The following TMEM232 variants were observed in gnomAD, a reference collection of about 807,000 sequenced individuals.
TMEM232 encodes transmembrane protein 232.
In TMEM232, 80 loss-of-function variants were observed where a neutral mutation model predicts 78.8. The observed-to-expected ratio is 1.01, with a 90% CI of 0.85 to 1.22. The LOEUF is 1.22. Ranked by LOEUF, TMEM232 falls within the 50% of genes most tolerant of loss-of-function variation. The probability of loss-of-function intolerance (pLI) is 0.00; values close to 1 mark genes in which losing one functional copy is unlikely to be tolerated. For synonymous variants in TMEM232, 297 were observed against 254.3 expected, an observed-to-expected ratio of 1.17 and a Z score of -1.60; for missense variants, 881 against 742.2, an observed-to-expected ratio of 1.19 and a Z score of -2.17.
At chr5:110,404,873 G>A (rs963412321) in intron 2 of TMEM232, among the ~76,000 whole-genome samples, 3 of 151,836 alleles carry the variant, frequency 2.0e-5, no homozygotes, top group Non-Finnish European at 4.4e-5. Flanking sequence ...GAAGAGACTC[G>A]GCAGGGTTAA....
chr5:110,435,155 T>C (rs1046828043), intron 12 of TMEM232, among the ~76,000 whole-genome samples: 2 of 151,882 alleles, frequency 1.3e-5, no homozygotes, highest in African/African-American at 4.8e-5. Context: ...CTTATTGATA[T>C]GACTCTTCAT....
At chr5:110,437,332 G>GA (rs1267049668) in intron 12 of TMEM232, among the ~76,000 whole-genome samples, 4 of 150,768 alleles carry the variant, frequency 2.7e-5, no homozygotes, top group Admixed American at 6.6e-5. Context: ...CAAAATTATA[G>GA]AAAAAAACAT....
intron 11 of TMEM232, among the ~76,000 whole-genome samples, chr5:110,531,007 T>C (rs945557951): frequency 2.0e-5 from 3 of 152,084 alleles, no homozygotes; most frequent in African/African-American, 7.2e-5. Context: ...AGATGGCCGG[T>C]TCCAGCCTTA....
chr5:110,573,302 C>T (rs1255162559), intron 10 of TMEM232, among the ~76,000 whole-genome samples: 1 of 151,968 alleles, frequency 6.6e-6, no homozygotes, highest in Non-Finnish European at 1.5e-5. Flanking sequence ...ATAAGTATAG[C>T]CTTTGCAATT....
chr5:110,515,047 C>G (rs564142190), intron 12 of TMEM232, among the ~76,000 whole-genome samples: 10 of 152,142 alleles, frequency 6.6e-5, no homozygotes, highest in Admixed American at 4.6e-4. Flanking sequence ...ACAGTGAACA[C>G]AAGAGTCAGA....
intron 12 of TMEM232, among the ~76,000 whole-genome samples, chr5:110,482,612 T>G (rs1401782813): frequency 6.7e-6 from 1 of 150,056 alleles, no homozygotes; most frequent in Non-Finnish European, 1.5e-5. Context: ...TATATATTAT[T>G]TTTAATTAAT....
At chr5:110,694,899 A>T (rs1794586477) in intron 1 of TMEM232, among the ~76,000 whole-genome samples, 1 of 152,220 alleles carries the variant, frequency 6.6e-6, no homozygotes, top group African/African-American at 2.4e-5. Context: ...TCAAAGAGAC[A>T]GAAAGTTCAC....
chr5:110,655,366 A>C (rs879714784), intron 2 of TMEM232, among the ~76,000 whole-genome samples: 17 of 149,996 alleles, frequency 1.1e-4, no homozygotes, highest in Non-Finnish European at 2.4e-4. Context: ...ATACCATCTC[A>C]CACCAGTTAG....
chr5:110,641,808 G>C (rs1483944303), intron 3 of TMEM232, among the ~76,000 whole-genome samples: 1 of 152,076 alleles, frequency 6.6e-6, no homozygotes, highest in Admixed American at 6.6e-5. Flanking sequence ...GTTCTGTTTT[G>C]ATATCTATTT....
At chr5:110,606,841 G>C (rs573414772) in intron 8 of TMEM232, among the ~76,000 whole-genome samples, 1 of 151,830 alleles carries the variant, frequency 6.6e-6, no homozygotes, top group East Asian at 1.9e-4. Flanking sequence ...AATCATACAA[G>C]AATTTGTTAG....
intron 11 of TMEM232, among the ~76,000 whole-genome samples, chr5:110,535,309 C>T (rs185397880): frequency 7.6e-4 from 116 of 152,218 alleles, no homozygotes; most frequent in Admixed American, 1.6e-3. Context: ...CGAAAGCTCC[C>T]CTACTGAGCA....
At position 110,420,433 on chromosome 5, in the gene TMEM232, T is replaced by G; in HGVS notation, c.*147A>C. Reference sequence around the variant, plus strand: ...AGAAATAACTATTAAACAAACAGCTTGTATCAGGAAAACAAATTCTTTCTA... The same window carrying G: ...AGAAATAACTATTAAACAAACAGCTGGTATCAGGAAAACAAATTCTTTCTA... On this transcript the variant is annotated 3_prime_UTR_variant, in exon 14 of 14. Coordinates refer to ENST00000455884, the MANE Select transcript of TMEM232 (RefSeq NM_001039763.4). The G allele has an allele frequency of 1.9e-6, 1 of 532,156 alleles. No individual in the cohort carries two copies. The highest frequency in any genetic ancestry group is 3.7e-5 in the South Asian group (1 of 26,742). 33.0% of individuals were successfully genotyped at this position (532,156 alleles called of 1,614,324 possible).
intron 11 of TMEM232, among the ~76,000 whole-genome samples, chr5:110,537,463 C>G (rs911071001): frequency 6.6e-6 from 1 of 151,948 alleles, no homozygotes; most frequent in African/African-American, 2.4e-5. Flanking sequence ...GGCCCTATAC[C>G]AAAACCTAAC....
At chr5:110,418,830 A>G (rs990096808), downstream of TMEM232, among the ~76,000 whole-genome samples, 37 of 152,190 alleles carry the variant, frequency 2.4e-4, no homozygotes, top group African/African-American at 8.4e-4. Context: ...TTTTACAAAG[A>G]TGGTGCTGAA....
chr5:110,420,511 G>T lies in TMEM232; in HGVS notation c.*69C>A. 2 of 952,970 alleles carry T rather than the reference G, an allele frequency of 2.1e-6. No homozygotes were observed. The highest frequency in any genetic ancestry group is 2.9e-6 in the Non-Finnish European group (2 of 693,410). The allele number at this position is 952,970 out of a possible 1,614,324, so 59.0% of individuals were successfully genotyped here. A position where few individuals can be genotyped will look rare whatever the true frequency, so the allele number is the denominator to read the frequency against. Reference sequence around the variant, plus strand: ...AGTTCTCTTACTATGTAGCTATCTTGGTATTTTTCATCCTATGTATTTCTG... The same window carrying T: ...AGTTCTCTTACTATGTAGCTATCTTTGTATTTTTCATCCTATGTATTTCTG... On this transcript the variant is annotated 3_prime_UTR_variant, in exon 14 of 14. Coordinates refer to ENST00000455884, the MANE Select transcript of TMEM232 (RefSeq NM_001039763.4).
At chr5:110,590,460 G>T (rs1779372277) in intron 10 of TMEM232, among the ~76,000 whole-genome samples, 1 of 152,038 alleles carries the variant, frequency 6.6e-6, no homozygotes, top group Non-Finnish European at 1.5e-5. Flanking sequence ...ACCCTATTGT[G>T]AACAGTGCAT....
At chr5:110,680,666 CATTT>C (rs1792622886) in intron 1 of TMEM232, among the ~76,000 whole-genome samples, 1 of 151,624 alleles carries the variant, frequency 6.6e-6, no homozygotes, top group Non-Finnish European at 1.5e-5. Flanking sequence ...AAAATTTAAA[CATTT>C]ATTATAGGAT....
At chr5:110,403,760 T>C (rs916771163) in intron 2 of TMEM232, among the ~76,000 whole-genome samples, 3 of 152,064 alleles carry the variant, frequency 2.0e-5, no homozygotes, top group African/African-American at 7.2e-5. Context: ...GCCAGAAATA[T>C]TCAGTATGCA....
intron 2 of TMEM232, among the ~76,000 whole-genome samples, chr5:110,733,012 G>A (rs1225119236): frequency 2.0e-5 from 3 of 152,038 alleles, no homozygotes; most frequent in Admixed American, 6.5e-5. Context: ...AATAGGCAAA[G>A]GACATGAACA....
Sources: allele counts gnomAD v4.1 joint callset (sites outside exome capture counted in the v4.1 genomes callset), GRCh38; gene constraint gnomAD v4.1.1; transcripts MANE v1.5; gene names NCBI Gene and HGNC (gene_info 2026-07-23, HGNC 2026-07-21).